CNTNAP3B: variants seen among roughly 807,000 people sequenced by gnomAD.
CNTNAP3B encodes contactin-associated protein-like 3B.
In CNTNAP3B, 25 loss-of-function variants were observed where a neutral mutation model predicts 108.9. The observed-to-expected ratio is 0.23, with a 90% CI of 0.17 to 0.32. CNTNAP3B has a LOEUF of 0.32. CNTNAP3B is among the 10% of genes least tolerant of loss of function. CNTNAP3B has a pLI of 1.00. For synonymous variants in CNTNAP3B, 103 were observed against 473.4 expected (o/e 0.22, Z 10.16); for missense variants, 252 against 1,210.4 (o/e 0.21, Z 11.75).
At chr9:41,979,111 C>T (rs1408177194) in intron 9 of CNTNAP3B, among the ~76,000 whole-genome samples, 2 of 134,774 alleles carry the variant, frequency 1.5e-5, no homozygotes, top group South Asian at 2.4e-4. Context: ...CTTCCTGAGG[C>T]GTTGTTCCTG....
intron 9 of CNTNAP3B, among the ~76,000 whole-genome samples, chr9:41,978,822 G>T (rs1424656503): frequency 6.9e-6 from 1 of 145,588 alleles, no homozygotes; most frequent in Non-Finnish European, 1.5e-5. Flanking sequence ...CATCAACATG[G>T]TAACTATGTG....
chr9:41,966,216 A>T (rs1825269868), intron 10 of CNTNAP3B, among the ~76,000 whole-genome samples: 1 of 152,400 alleles, frequency 6.6e-6, no homozygotes, highest in East Asian at 1.9e-4. Context: ...TCTTAATATA[A>T]TGGAGCATCT....
At chr9:42,041,703 A>G (rs1025464318) in intron 3 of CNTNAP3B, among the ~76,000 whole-genome samples, 5 of 141,116 alleles carry the variant, frequency 3.5e-5, no homozygotes, top group African/African-American at 1.1e-4. Flanking sequence ...ATCTAGAACC[A>G]GAAATACCAT....
chr9:41,935,143 T>C (rs1824118311), intron 14 of CNTNAP3B, among the ~76,000 whole-genome samples: 1 of 152,306 alleles, frequency 6.6e-6, no homozygotes, highest in African/African-American at 2.4e-5. Flanking sequence ...TTATAGTGCC[T>C]TTTAAATATA....
At chr9:41,930,307 C>A (rs1413869723) in intron 14 of CNTNAP3B, among the ~76,000 whole-genome samples, 4 of 152,274 alleles carry the variant, frequency 2.6e-5, no homozygotes, top group Admixed American at 2.6e-4. Context: ...CTTTAGAAGA[C>A]TGGGGTGGGC....
At chr9:42,098,539 T>A (rs1157380250) in intron 2 of CNTNAP3B, among the ~76,000 whole-genome samples, 1 of 79,878 alleles carries the variant, frequency 1.3e-5, no homozygotes, top group Non-Finnish European at 2.5e-5. Flanking sequence ...GCAGAGATCA[T>A]GCCACTGCAC....
intron 7 of CNTNAP3B, chr9:41,994,576 C>T (rs1587184715): frequency 2.7e-6 from 1 of 376,540 alleles, no homozygotes; most frequent in South Asian, 2.2e-5. Context: ...ATGATCTCAG[C>T]AGGGTGCTGT....
chr9:42,066,642 T>A (rs1827271185), intron 3 of CNTNAP3B, among the ~76,000 whole-genome samples: 1 of 131,460 alleles, frequency 7.6e-6, no homozygotes, highest in Non-Finnish European at 1.6e-5. Context: ...TTGGCCAGGC[T>A]GGTCTCAAAC....
rs1231432163 is a variant in CNTNAP3B at position 42,116,500 on chromosome 9, C to A, written c.86-11761G>T. ...AGAGATTCTGTCACCACCAGGCCTG[C>A]CTTACAAGAGCTCCTGAAGGAAGCA... On this transcript the variant is annotated intron_variant, in intron 1 of 23. Coordinates refer to ENST00000377561, the MANE Select transcript of CNTNAP3B (RefSeq NM_001201380.3). Among the ~76,000 whole-genome samples, 13 of 133,906 alleles carry A rather than the reference C, an allele frequency of 9.7e-5. 1 individual carries two copies. The highest frequency in any genetic ancestry group is 1.7e-4 in the Non-Finnish European group (11 of 63,574). 87.8% of individuals were successfully genotyped at this position (133,906 alleles called of 152,430 possible).
intron 17 of CNTNAP3B, among the ~76,000 whole-genome samples, chr9:41,921,516 C>T (rs1314637527): frequency 1.3e-5 from 2 of 151,260 alleles, no homozygotes. Context: ...GTGATTTAGT[C>T]CAGTTTTAAT....
intron 15 of CNTNAP3B, among the ~76,000 whole-genome samples, chr9:41,924,658 C>CAT (rs1441479068): frequency 2.7e-5 from 2 of 73,628 alleles, no homozygotes; most frequent in Non-Finnish European, 6.4e-5. Flanking sequence ...CACACACACA[C>CAT]ACACACACAC....
chr9:42,071,790 G>T lies in CNTNAP3B; in HGVS notation c.390+5079C>A, dbSNP rs369422693. 2.3e-4 allele frequency among the ~76,000 whole-genome samples: 31 copies of T among 132,466 alleles called. 1 individual carries two copies. The East Asian group carries it at 4.2e-3, about 18-fold the overall frequency. The allele number at this position is 132,466 out of a possible 152,430, so 86.9% of individuals were successfully genotyped here. A position where few individuals can be genotyped will look rare whatever the true frequency, so the allele number is the denominator to read the frequency against. ...TCTAACAACTGAGTTGACAGGATAT[G>T]CCTATGGATTGATCGTGGAGTGTGA... On this transcript the variant is annotated intron_variant, in intron 3 of 23. Coordinates refer to ENST00000377561, the MANE Select transcript of CNTNAP3B (RefSeq NM_001201380.3).
intron 13 of CNTNAP3B, among the ~76,000 whole-genome samples, chr9:41,938,957 A>G (rs1824244569): frequency 6.6e-6 from 1 of 152,176 alleles, no homozygotes; most frequent in Non-Finnish European, 1.5e-5. Context: ...TGACATTGAT[A>G]GGCTTTTCTC....
intron 14 of CNTNAP3B, among the ~76,000 whole-genome samples, chr9:41,935,352 G>A (rs1824124510): frequency 1.3e-5 from 2 of 152,236 alleles, no homozygotes; most frequent in South Asian, 2.1e-4. Context: ...TATGCCTGAA[G>A]AGACTTAAAA....
At chr9:42,018,409 A>C (rs1731756671) in intron 3 of CNTNAP3B, among the ~76,000 whole-genome samples, 1 of 139,210 alleles carries the variant, frequency 7.2e-6, no homozygotes, top group Non-Finnish European at 1.5e-5. Flanking sequence ...ATGATTCCTC[A>C]CTGAGGAAGG....
intron 2 of CNTNAP3B, among the ~76,000 whole-genome samples, chr9:42,090,961 A>AATAT (rs1171399773): frequency 0.014 from 554 of 38,672 alleles, 123 homozygotes; most frequent in African/African-American, 0.04. Context: ...ACTCTCTCTA[A>AATAT]ATATATATAT....
rs764279634 is a variant in CNTNAP3B at position 41,929,491 on chromosome 9, C to T, written c.2238-47G>A. 4.2e-5 allele frequency: 64 copies of T among 1,506,702 alleles called. 5 individuals are homozygous for T. The East Asian group carries it at 5.5e-4, about 13-fold the overall frequency. The allele number at this position is 1,506,702 out of a possible 1,614,324, so 93.3% of individuals were successfully genotyped here. ...CATTAAAATTATTCTGATTAACATACGGGCAAAATTAACTCTGATCTCTTA... is the reference window on the plus strand; with the variant it reads ...CATTAAAATTATTCTGATTAACATATGGGCAAAATTAACTCTGATCTCTTA... On this transcript the variant is annotated intron_variant, in intron 14 of 23. Transcript: ENST00000377561.
intron 3 of CNTNAP3B, among the ~76,000 whole-genome samples, chr9:42,035,690 T>A (rs1459007025): frequency 1.3e-5 from 2 of 151,114 alleles, no homozygotes. Context: ...CAGGGTTTCA[T>A]TCTATCACCC....
intron 14 of CNTNAP3B, among the ~76,000 whole-genome samples, chr9:41,934,927 A>G (rs1459067470): frequency 6.6e-6 from 1 of 152,300 alleles, no homozygotes; most frequent in Non-Finnish European, 1.5e-5. Flanking sequence ...TAATCACACA[A>G]AAGTCCTATT....
Sources: allele counts gnomAD v4.1 joint callset (sites outside exome capture counted in the v4.1 genomes callset), GRCh38; gene constraint gnomAD v4.1.1; transcripts MANE v1.5; gene names NCBI Gene and HGNC (gene_info 2026-07-23, HGNC 2026-07-21).